ADARB2: variants seen among roughly 807,000 people sequenced by gnomAD.
ADARB2 encodes adenosine deaminase RNA specific B2 (inactive), also known as inactive double-stranded RNA-specific editase B2.
In ADARB2, 25 loss-of-function variants were observed where a neutral mutation model predicts 62.2. The observed-to-expected ratio is 0.40, with a 90% CI of 0.29 to 0.56. The LOEUF (loss-of-function observed/expected upper bound fraction) is 0.56. Among genes scored for constraint, ADARB2 ranks in the 20% least tolerant of loss-of-function variants. ADARB2 has a pLI of 0.43. For synonymous variants in ADARB2, 572 were observed against 500.8 expected (o/e 1.14, Z -1.90); for missense variants, 1,071 against 1,077.4 (o/e 0.99, Z 0.08).
At chr10:1,671,438 G>A (rs922655736) in intron 1 of ADARB2, among the ~76,000 whole-genome samples, 14 of 152,236 alleles carry the variant, frequency 9.2e-5, no homozygotes, top group African/African-American at 3.4e-4. Flanking sequence ...TCAACCTGGA[G>A]ATGTTCGGAA....
intron 1 of ADARB2, among the ~76,000 whole-genome samples, chr10:1,489,869 G>A (rs1034423587): frequency 7.2e-5 from 11 of 152,164 alleles, no homozygotes; most frequent in Non-Finnish European, 1.5e-4. Context: ...TATCTGGTGA[G>A]CCTGAATGAG....
intron 1 of ADARB2, among the ~76,000 whole-genome samples, chr10:1,712,310 G>A (rs968301248): frequency 1.3e-5 from 2 of 152,130 alleles, no homozygotes; most frequent in African/African-American, 4.8e-5. Context: ...AGTTTATTAT[G>A]TAAAAATTAA....
chr10:1,292,981 AGAGAGAGAGG>A (rs1390973680), intron 3 of ADARB2: 2 of 77,282 alleles, frequency 2.6e-5, no homozygotes, highest in South Asian at 6.1e-4. Context: ...GGAGGGAAGG[AGAGAGAGAGG>A]GAGAGGGAGG....
At chr10:1,196,225 T>G (rs1418863718) in intron 8 of ADARB2, among the ~76,000 whole-genome samples, 2 of 143,880 alleles carry the variant, frequency 1.4e-5, no homozygotes, top group Non-Finnish European at 3.0e-5. Context: ...TTTTTTTTTT[T>G]GACAAAGCAC....
At chr10:1,578,244 A>C (rs1833048326) in intron 1 of ADARB2, among the ~76,000 whole-genome samples, 1 of 152,218 alleles carries the variant, frequency 6.6e-6, no homozygotes, top group African/African-American at 2.4e-5. Flanking sequence ...GCCAGGCAGC[A>C]AAAAAGAGCA....
At position 1,363,730 on chromosome 10, in the gene ADARB2, C is replaced by T. The variant is rs143914218; in HGVS notation, c.375G>A (p.Ala125=). ...LVWKKLSWSV[A]PKNALVQLHE... ...GCAGCTGCACCAGCGCGTTCTTGGG[C>T]GCCACCGACCACGACAGCTTCTTCC... The change falls in exon 3 of 10, where the codon GCG becomes GCA. Residue 125 remains alanine (A), a synonymous_variant. Coordinates refer to ENST00000381312, the MANE Select transcript of ADARB2 (RefSeq NM_018702.4). The T allele has an allele frequency of 1.0e-3, 1,683 of 1,609,902 alleles. 1 individual carries two copies. Among genetic ancestry groups the T allele is most frequent in the South Asian group, 1.3e-3 (116 of 91,038 alleles).
chr10:1,545,140 G>A (rs1832500737), intron 1 of ADARB2, among the ~76,000 whole-genome samples: 1 of 152,156 alleles, frequency 6.6e-6, no homozygotes, highest in African/African-American at 2.4e-5. Flanking sequence ...GAGCCTCTGT[G>A]TCATGCGGTG....
intron 1 of ADARB2, among the ~76,000 whole-genome samples, chr10:1,608,181 A>T (rs1222693553): frequency 1.3e-5 from 2 of 152,222 alleles, no homozygotes; most frequent in Non-Finnish European, 2.9e-5. Flanking sequence ...CAACGTCTGG[A>T]GCGGGGTTTG....
chr10:1,446,736 T>G (rs929434940), intron 1 of ADARB2, among the ~76,000 whole-genome samples: 11 of 152,334 alleles, frequency 7.2e-5, no homozygotes, highest in African/African-American at 2.6e-4. Context: ...TCGTGACAGT[T>G]AAAACGTTCT....
intron 5 of ADARB2, among the ~76,000 whole-genome samples, chr10:1,240,704 C>T (rs1589162667): frequency 6.6e-6 from 1 of 152,202 alleles, no homozygotes; most frequent in African/African-American, 2.4e-5. Flanking sequence ...TCGGGTGCAC[C>T]TGTCTGTGGA....
At chr10:1,696,192 A>ATG (rs5782592) in intron 1 of ADARB2, among the ~76,000 whole-genome samples, 19,414 of 144,488 alleles carry the variant, frequency 0.13, 1,393 homozygotes, top group East Asian at 0.21. Context: ...ACATGCATAT[A>ATG]TGTGTCACGT....
intron 2 of ADARB2, among the ~76,000 whole-genome samples, chr10:1,376,251 A>C (rs993998957): frequency 3.9e-5 from 6 of 152,282 alleles, no homozygotes; most frequent in African/African-American, 1.4e-4. Flanking sequence ...CAGCATCTAC[A>C]CAAAGGGGAG....
intron 4 of ADARB2, among the ~76,000 whole-genome samples, chr10:1,259,679 G>C (rs1357173494): frequency 6.6e-6 from 1 of 152,154 alleles, no homozygotes; most frequent in Non-Finnish European, 1.5e-5. Context: ...ACCAAAAAAA[G>C]TCCAGGACCA....
chr10:1,249,531 T>C (rs1016058171), intron 4 of ADARB2, among the ~76,000 whole-genome samples: 52 of 151,762 alleles, frequency 3.4e-4, no homozygotes, highest in African/African-American at 1.3e-3. Flanking sequence ...ATACAACAAA[T>C]GCTTTTGATA....
At chr10:1,515,368 C>T (rs570147503) in intron 1 of ADARB2, among the ~76,000 whole-genome samples, 13 of 152,346 alleles carry the variant, frequency 8.5e-5, no homozygotes, top group African/African-American at 2.6e-4. Flanking sequence ...GAGCACAGCA[C>T]GTCTGTTTCC....
At chr10:1,253,769 T>C (rs1267953869) in intron 4 of ADARB2, among the ~76,000 whole-genome samples, 1 of 152,208 alleles carries the variant, frequency 6.6e-6, no homozygotes, top group Non-Finnish European at 1.5e-5. Context: ...ACCTGTGTCC[T>C]GGACTAGAAG....
At position 1,585,357 on chromosome 10, in the gene ADARB2, A is replaced by G. The variant is rs1564338890; in HGVS notation, c.100+151694T>C. 3.9e-5 allele frequency among the ~76,000 whole-genome samples: 6 copies of G among 152,284 alleles called. No individual in the cohort carries two copies. In the South Asian group the frequency reaches 1.2e-3, roughly 32 times the overall value. ...ACTGCATCGGACAAACCTGTTTTCC[A>G]TTTGGTTCCTAAATAAGATCGCTAC... On this transcript the variant is annotated intron_variant, in intron 1 of 9. Coordinates refer to ENST00000381312, the MANE Select transcript of ADARB2 (RefSeq NM_018702.4).
intron 1 of ADARB2, among the ~76,000 whole-genome samples, chr10:1,543,225 C>T (rs898710539): frequency 1.4e-4 from 21 of 152,314 alleles, no homozygotes; most frequent in Middle Eastern, 3.4e-3. Context: ...GCGTCCTGCC[C>T]GCCCTCCTCT....
Position 1,673,865 on chromosome 10 carries a change from C to G in ADARB2, c.100+63186G>C, listed in dbSNP as rs138494041. Among the ~76,000 whole-genome samples, 659 of 152,326 alleles carry G rather than the reference C, an allele frequency of 4.3e-3. 3 individuals are homozygous for G. Among genetic ancestry groups the G allele is most frequent in the African/African-American group, 0.015 (618 of 41,570 alleles). On this transcript the variant is annotated intron_variant, in intron 1 of 9. Coordinates refer to ENST00000381312, the MANE Select transcript of ADARB2 (RefSeq NM_018702.4). Reference sequence around the variant, plus strand: ...CCACTTCCGGGATGGGATCCTAGGCCGGTTACCGACTTCTCCCTGCCTTCA... The same window carrying G: ...CCACTTCCGGGATGGGATCCTAGGCGGGTTACCGACTTCTCCCTGCCTTCA...
Sources: gnomAD v4.1 joint callset for allele counts (sites outside exome capture counted in the v4.1 genomes callset) on GRCh38, gnomAD v4.1.1 for gene constraint, MANE v1.5 for transcripts, NCBI Gene and HGNC (gene_info 2026-07-23, HGNC 2026-07-21) for gene names.